The following SCFD2 variants were observed in gnomAD, a reference collection of about 807,000 sequenced individuals.
The protein encoded by SCFD2 is sec1 family domain containing 2.
SCFD2 carries 54 observed loss-of-function variants against 58.9 expected under a neutral mutation model. The observed-to-expected ratio is 0.92, with a 90% CI of 0.74 to 1.15. The LOEUF is 1.15. SCFD2 is among the 50% of genes most tolerant of loss of function. The pLI is 0.00. For missense variants in SCFD2, 805 were observed against 836.6 expected (o/e 0.96, Z 0.47); for synonymous variants, 321 against 335.9 (o/e 0.96, Z 0.49).
intron 5 of SCFD2, among the ~76,000 whole-genome samples, chr4:53,132,624 C>T (rs1725816405): frequency 6.6e-6 from 1 of 152,174 alleles, no homozygotes; most frequent in South Asian, 2.1e-4. Flanking sequence ...AGTGTTCCCC[C>T]TACACCCTGA....
intron 2 of SCFD2, among the ~76,000 whole-genome samples, chr4:53,338,729 C>T (rs1051873353): frequency 5.3e-5 from 8 of 150,938 alleles, no homozygotes; most frequent in African/African-American, 1.2e-4. Flanking sequence ...CACAGGCACC[C>T]GCCACTACGC....
intron 4 of SCFD2, among the ~76,000 whole-genome samples, chr4:53,159,585 T>C (rs1726793398): frequency 2.0e-5 from 3 of 152,144 alleles, no homozygotes; most frequent in Admixed American, 2.0e-4. Context: ...ACATCAGAGG[T>C]AATCTACTGA....
chr4:52,977,762 C>T (rs1001957889), intron 5 of SCFD2, among the ~76,000 whole-genome samples: 2 of 152,134 alleles, frequency 1.3e-5, no homozygotes, highest in Non-Finnish European at 1.5e-5. Flanking sequence ...TACAGCCTTG[C>T]TCATTTTTCA....
chr4:52,913,324 C>T (rs1320740609), intron 6 of SCFD2, among the ~76,000 whole-genome samples: 1 of 152,164 alleles, frequency 6.6e-6, no homozygotes, highest in Non-Finnish European at 1.5e-5. Context: ...CTTCCCACCA[C>T]TTGCATTACC....
intron 3 of SCFD2, among the ~76,000 whole-genome samples, chr4:53,304,333 T>G (rs1732442442): frequency 6.6e-6 from 1 of 152,110 alleles, no homozygotes; most frequent in Admixed American, 6.6e-5. Flanking sequence ...AGGAGTATCT[T>G]CGTGGTGTTC....
chr4:53,333,536 T>C (rs1192859812), intron 2 of SCFD2, among the ~76,000 whole-genome samples: 1 of 151,522 alleles, frequency 6.6e-6, no homozygotes, highest in Admixed American at 6.6e-5. Flanking sequence ...CTGGGAAAAC[T>C]GGCTAGCCAT....
chr4:53,194,038 A>G (rs931164190), intron 4 of SCFD2, among the ~76,000 whole-genome samples: 29 of 152,170 alleles, frequency 1.9e-4, no homozygotes, highest in Admixed American at 5.2e-4. Flanking sequence ...AGCACTTTCT[A>G]TTGGCTTCCT....
At chr4:52,935,843 C>A (rs1182445692) in intron 5 of SCFD2, among the ~76,000 whole-genome samples, 1 of 151,982 alleles carries the variant, frequency 6.6e-6, no homozygotes, top group Non-Finnish European at 1.5e-5. Flanking sequence ...TTTTTCTTTT[C>A]TTTTATTTTT....
At chr4:53,342,892 G>A (rs900272643) in intron 2 of SCFD2, among the ~76,000 whole-genome samples, 54 of 152,174 alleles carry the variant, frequency 3.5e-4, no homozygotes, top group Admixed American at 2.6e-4. Context: ...CAGAAATAAA[G>A]ATGTTCTTTG....
rs563897805 is a variant in SCFD2 at position 53,182,093 on chromosome 4, A to T, written c.1312-36511T>A. ...CCATATTGCCCAAGGTAATTTATAG[A>T]TTCAATGCCATCCCCATCAAGCTAC... On this transcript the variant is annotated intron_variant, in intron 4 of 8. Coordinates refer to ENST00000401642, the MANE Select transcript of SCFD2 (RefSeq NM_152540.4). Among the ~76,000 whole-genome samples the T allele has an allele frequency of 2.7e-3, 409 of 152,332 alleles. 2 individuals are homozygous for T. The highest frequency in any genetic ancestry group is 9.0e-3 in the African/African-American group (375 of 41,578).
At chr4:53,199,304 T>A (rs1369457920) in intron 4 of SCFD2, among the ~76,000 whole-genome samples, 2 of 152,164 alleles carry the variant, frequency 1.3e-5, no homozygotes, top group African/African-American at 2.4e-5. Flanking sequence ...AAATGCTTGC[T>A]TATTTTCTTG....
intron 5 of SCFD2, among the ~76,000 whole-genome samples, chr4:53,079,503 G>A (rs978278273): frequency 3.3e-5 from 5 of 152,170 alleles, no homozygotes; most frequent in East Asian, 1.9e-4. Context: ...GTAAATCAAC[G>A]AAGAACATAG....
At chr4:53,169,616 T>G (rs1044382246) in intron 4 of SCFD2, among the ~76,000 whole-genome samples, 10 of 152,318 alleles carry the variant, frequency 6.6e-5, no homozygotes, top group African/African-American at 2.4e-4. Flanking sequence ...AAGGAGCCTT[T>G]GTATAGTTTT....
At chr4:53,196,200 CAT>C (rs1188377779) in intron 4 of SCFD2, among the ~76,000 whole-genome samples, 2 of 152,160 alleles carry the variant, frequency 1.3e-5, no homozygotes. Context: ...TTGATGCCAA[CAT>C]AGTCTCATCA....
At chr4:53,258,577 T>TATATACAC (rs757658747) in intron 4 of SCFD2, among the ~76,000 whole-genome samples, 27 of 121,378 alleles carry the variant, frequency 2.2e-4, no homozygotes, top group Middle Eastern at 4.2e-3. Flanking sequence ...TATATATATA[T>TATATACAC]ACACACACAT....
chr4:53,134,449 C>T (rs1725879294), intron 5 of SCFD2, among the ~76,000 whole-genome samples: 1 of 151,416 alleles, frequency 6.6e-6, no homozygotes, highest in African/African-American at 2.4e-5. Flanking sequence ...AGGTAATGAA[C>T]AGGTGAGAAA....
intron 1 of SCFD2, among the ~76,000 whole-genome samples, chr4:53,354,383 G>A (rs532188900): frequency 1.3e-4 from 19 of 151,902 alleles, no homozygotes; most frequent in East Asian, 5.8e-4. Flanking sequence ...GGGGCGCGCC[G>A]AGCCCACGCC....
chr4:53,236,874 G>A (rs1480641240), intron 4 of SCFD2, among the ~76,000 whole-genome samples: 4 of 148,674 alleles, frequency 2.7e-5, no homozygotes, highest in Admixed American at 6.7e-5. Context: ...TAATTCTTGG[G>A]TGTTTCTCAC....
chr4:53,015,012 T>C (rs1428688463), intron 5 of SCFD2, among the ~76,000 whole-genome samples: 4 of 152,314 alleles, frequency 2.6e-5, no homozygotes, highest in African/African-American at 9.6e-5. Context: ...AGCAGTTGTT[T>C]TGAATAAAAA....
Sources: gnomAD v4.1 joint callset for allele counts (sites outside exome capture counted in the v4.1 genomes callset) on GRCh38, gnomAD v4.1.1 for gene constraint, MANE v1.5 for transcripts, NCBI Gene and HGNC (gene_info 2026-07-23, HGNC 2026-07-21) for gene names.